The following ZNF469 variants were observed in gnomAD, a reference collection of about 807,000 sequenced individuals.
ZNF469 encodes the protein zinc finger protein 469.
In ZNF469, 1 loss-of-function variant was observed where a neutral mutation model predicts 1.0. The observed-to-expected ratio is 1.00, with a 90% CI of 0.35 to 4.73. ZNF469 has a LOEUF of 4.73. Ranked by LOEUF, ZNF469 falls within the 30% of genes most tolerant of loss-of-function variation. The probability of loss-of-function intolerance (pLI) is 0.16; values close to 1 mark genes in which losing one functional copy is unlikely to be tolerated. For synonymous variants in ZNF469, 2,703 were observed against 2,363.4 expected (o/e 1.14, Z -4.17); for missense variants, 6,100 against 5,356.3 (o/e 1.14, Z -4.33).
the ZNF469 span, among the ~76,000 whole-genome samples, chr16:88,355,572 C>T: frequency 6.6e-6 from 1 of 152,240 alleles, no homozygotes. Flanking sequence ...GCCAGGCCCT[C>T]AGATCTCAGT....
the ZNF469 span, among the ~76,000 whole-genome samples, chr16:88,221,977 T>A: frequency 2.6e-5 from 4 of 152,156 alleles, no homozygotes; most frequent in African/African-American, 9.7e-5. Flanking sequence ...AGACCCTTTT[T>A]CCAGATGAGG....
rs562061509 is a variant in ZNF469, at chr16:88,435,672, G to A, written c.8202G>A (p.Arg2734=). Reference sequence around the variant, plus strand: ...GAGATCGGATGCTGTGTCCAGGGAGGATGGATGGTGCAGCTCTGGGGGAAC... The same window carrying A: ...GAGATCGGATGCTGTGTCCAGGGAGAATGGATGGTGCAGCTCTGGGGGAAC... The part of the protein sequence containing the change: ...PPGDRMLCPG[R]MDGAALGEQP... Residue 2734 remains arginine, a synonymous_variant, in exon 3 of 3, where the codon AGG becomes AGA. Transcript: ENST00000565624. 36 of 1,550,584 alleles carry A rather than the reference G, an allele frequency of 2.3e-5. 1 individual carries two copies. In the African/African-American group the frequency reaches 3.1e-4, roughly 14 times the overall value.
chr16:88,330,013 A>G, the ZNF469 span, among the ~76,000 whole-genome samples: 1 of 152,254 alleles, frequency 6.6e-6, no homozygotes, highest in Non-Finnish European at 1.5e-5. Context: ...AGCCAGTCAC[A>G]AAAGGCCACA....
At chr16:88,181,319 C>T in the ZNF469 span, among the ~76,000 whole-genome samples, 7,673 of 151,462 alleles carry the variant, frequency 0.051, 298 homozygotes, top group East Asian at 0.094. Context: ...ATCCACCCGC[C>T]TCGGCCTCCC....
the ZNF469 span, among the ~76,000 whole-genome samples, chr16:88,231,468 C>T: frequency 7.7e-3 from 1,130 of 146,554 alleles, no homozygotes; most frequent in African/African-American, 0.028. The surrounding 1 kb of genome is among the most constrained non-coding windows in gnomAD (Gnocchi z 4.5). Flanking sequence ...AGGCTCACAG[C>T]TCTGTCAGCT....
rs766878740 is a variant in ZNF469, at chr16:88,431,035, C to G, written c.3565C>G (p.Pro1189Ala). 1 of 1,546,846 alleles carries G rather than the reference C, an allele frequency of 6.5e-7. No homozygotes were observed. The highest frequency in any genetic ancestry group is 8.7e-7 in the Non-Finnish European group (1 of 1,146,712). The change falls in exon 3 of 3, where the codon CCC becomes GCC. Residue 1189 changes from proline to alanine, a missense_variant. Physicochemically the swap from Pro to Ala is conservative, Grantham distance 27. Coordinates refer to ENST00000565624, the MANE Select transcript of ZNF469 (RefSeq NM_001367624.2). The part of the protein sequence containing the change: ...ETGAAAREGG[P>A]KCADRPSVAP... ...GGGAGCGGCCGCCAGGGAGGGAGGC[C>G]CCAAGTGTGCTGATCGCCCCTCAGT...
intron 1 of ZNF469, among the ~76,000 whole-genome samples, chr16:88,410,737 G>C (rs1001506801): frequency 6.6e-6 from 1 of 151,682 alleles, no homozygotes; most frequent in Non-Finnish European, 1.5e-5. Context: ...TGATGGTGCA[G>C]GTCACACAGT....
the ZNF469 span, among the ~76,000 whole-genome samples, chr16:88,168,866 C>T: frequency 5.3e-5 from 8 of 152,224 alleles, no homozygotes; most frequent in South Asian, 2.1e-4. The surrounding 1 kb of genome is among the most constrained non-coding windows in gnomAD (Gnocchi z 4.3). Context: ...GAAGCCAAGG[C>T]GTGAGGATCG....
At chr16:88,152,328 A>G in the ZNF469 span, among the ~76,000 whole-genome samples, 1 of 152,214 alleles carries the variant, frequency 6.6e-6, no homozygotes, top group Non-Finnish European at 1.5e-5. The surrounding 1 kb of genome is among the most constrained non-coding windows in gnomAD (Gnocchi z 4.2). Context: ...CAGCCTACAG[A>G]CACGCTCTGG....
chr16:88,384,167 A>G (rs190646907), intron 1 of ZNF469, among the ~76,000 whole-genome samples: 49 of 152,330 alleles, frequency 3.2e-4, no homozygotes, highest in Non-Finnish European at 6.8e-4. Context: ...ACGTCCTGAG[A>G]TCCGTGTTAA....
At chr16:88,162,559 G>C in the ZNF469 span, among the ~76,000 whole-genome samples, 1 of 152,056 alleles carries the variant, frequency 6.6e-6, no homozygotes, top group African/African-American at 2.4e-5. Context: ...TTTGATAATA[G>C]ATTTTAAATA....
chr16:88,266,690 C>T, the ZNF469 span, among the ~76,000 whole-genome samples: 4 of 152,186 alleles, frequency 2.6e-5, no homozygotes, highest in African/African-American at 9.7e-5. Context: ...GGACCTGGGA[C>T]GTGCTGGTCG....
At chr16:88,130,751 C>T in the ZNF469 span, among the ~76,000 whole-genome samples, 3 of 151,650 alleles carry the variant, frequency 2.0e-5, no homozygotes, top group Non-Finnish European at 4.4e-5. Flanking sequence ...AAAACGGCAG[C>T]GCAGCCTCCC....
At chr16:88,197,389 C>G in the ZNF469 span, among the ~76,000 whole-genome samples, 3 of 152,178 alleles carry the variant, frequency 2.0e-5, no homozygotes, top group Non-Finnish European at 4.4e-5. Flanking sequence ...AGTCTAGATT[C>G]TTAATATTTC....
In ZNF469 at chr16:88,415,460, C is replaced by CG. The variant is rs145671323; in HGVS notation, c.-191-9341dup. Among the ~76,000 whole-genome samples the CG allele has an allele frequency of 5.3e-3, 810 of 152,326 alleles. 8 individuals are homozygous for CG. The highest frequency in any genetic ancestry group is 0.018 in the African/African-American group (766 of 41,556). ...CCTGGGAACCCAGGGGCCTGTGCTG[C>CG]GGGGGGCAGTGCTGTGCCCATTTTA... On this transcript the variant is annotated intron_variant, in intron 1 of 2. Coordinates refer to ENST00000565624, the MANE Select transcript of ZNF469 (RefSeq NM_001367624.2).
the ZNF469 span, among the ~76,000 whole-genome samples, chr16:88,219,478 A>G: frequency 1.4e-5 from 2 of 144,036 alleles, no homozygotes; most frequent in African/African-American, 2.6e-5. Flanking sequence ...ATCTACAACT[A>G]TCTGATCTTT....
intron 1 of ZNF469, among the ~76,000 whole-genome samples, chr16:88,383,975 G>A (rs1185665962): frequency 6.6e-6 from 1 of 152,200 alleles, no homozygotes; most frequent in African/African-American, 2.4e-5. Flanking sequence ...GACTCCCGCG[G>A]CCACCCAGTC....
At chr16:88,367,457 G>A in the ZNF469 span, among the ~76,000 whole-genome samples, 1 of 152,228 alleles carries the variant, frequency 6.6e-6, no homozygotes, top group African/African-American at 2.4e-5. Context: ...GCTGATGAAG[G>A]TCATCCTTCG....
the ZNF469 span, among the ~76,000 whole-genome samples, chr16:88,148,707 G>A: frequency 6.6e-5 from 10 of 152,164 alleles, no homozygotes; most frequent in Admixed American, 2.6e-4. Context: ...TGTCTCAGGC[G>A]TCTGCCACCA....
Sources: allele counts gnomAD v4.1 joint callset (sites outside exome capture counted in the v4.1 genomes callset), GRCh38; gene constraint gnomAD v4.1.1; non-coding constraint Gnocchi (gnomAD v3.1); transcripts MANE v1.5; gene names NCBI Gene and HGNC (gene_info 2026-07-23, HGNC 2026-07-21).